The following PLEKHA2 variants were observed in gnomAD, a reference collection of about 807,000 sequenced individuals.
PLEKHA2 encodes the protein pleckstrin homology domain containing A2.
In PLEKHA2, 28 loss-of-function variants were observed where a neutral mutation model predicts 53.2. That is an observed-to-expected ratio of 0.53 (90% CI 0.39 to 0.72). The LOEUF (loss-of-function observed/expected upper bound fraction) is 0.72, where lower values mean the gene tolerates loss of function less well. PLEKHA2 is among the 30% of genes least tolerant of loss of function. The pLI, the probability that PLEKHA2 is intolerant of heterozygous loss-of-function variation, is 0.00. For missense variants in PLEKHA2, 426 were observed against 537.9 expected (o/e 0.79, Z 2.06); for synonymous variants, 193 against 196.4 (o/e 0.98, Z 0.14).
intron 1 of PLEKHA2, among the ~76,000 whole-genome samples, chr8:38,904,574 C>T (rs1024893673): frequency 5.9e-5 from 9 of 152,342 alleles, no homozygotes; most frequent in Non-Finnish European, 1.2e-4. Context: ...GTCTAGGTTT[C>T]TGTTAACTCT....
At position 38,960,273 on chromosome 8, in the gene PLEKHA2, T is replaced by C. The variant is rs187696083; in HGVS notation, c.837+2887T>C. Among the ~76,000 whole-genome samples, 618 of 152,300 alleles carry C rather than the reference T, an allele frequency of 4.1e-3. 3 individuals carry two copies. The highest frequency in any genetic ancestry group is 7.6e-3 in the Non-Finnish European group (520 of 68,028). On this transcript the variant is annotated intron_variant, in intron 10 of 11. Transcript: ENST00000617275. ...AACTCAAAAAACAGTGGAAAGAGAA[T>C]AGTATAGATTAAAAATCACTTAAAA...
At chr8:38,967,862 A>C (rs992070029) in intron 10 of PLEKHA2, among the ~76,000 whole-genome samples, 6 of 152,004 alleles carry the variant, frequency 3.9e-5, no homozygotes, top group African/African-American at 1.5e-4. Flanking sequence ...GGGTTTCACC[A>C]TGTTGCCCAG....
intron 10 of PLEKHA2, among the ~76,000 whole-genome samples, chr8:38,960,190 C>T (rs1835016524): frequency 6.6e-6 from 1 of 152,204 alleles, no homozygotes; most frequent in Non-Finnish European, 1.5e-5. Flanking sequence ...GATAAGAGAA[C>T]ACTAGCGTCA....
At chr8:38,912,675 G>T (rs1050596557) in intron 1 of PLEKHA2, among the ~76,000 whole-genome samples, 1 of 152,188 alleles carries the variant, frequency 6.6e-6, no homozygotes, top group Admixed American at 6.5e-5. Flanking sequence ...CTTAGCAACT[G>T]TTGAGACAAA....
intron 5 of PLEKHA2, among the ~76,000 whole-genome samples, chr8:38,946,573 A>G (rs975980500): frequency 6.6e-6 from 1 of 152,214 alleles, no homozygotes; most frequent in Admixed American, 6.5e-5. Context: ...GGAAAAGCAT[A>G]TGGGGAGGGA....
At chr8:38,964,083 GA>G (rs1356107517) in intron 10 of PLEKHA2, among the ~76,000 whole-genome samples, 2 of 152,172 alleles carry the variant, frequency 1.3e-5, no homozygotes, top group Non-Finnish European at 2.9e-5. Flanking sequence ...TCTCTGGCCA[GA>G]TGTAAGAAGA....
chr8:38,962,651 A>G (rs1481658145), intron 10 of PLEKHA2, among the ~76,000 whole-genome samples: 1 of 152,250 alleles, frequency 6.6e-6, no homozygotes, highest in African/African-American at 2.4e-5. Context: ...CCATTTCCCC[A>G]TTTCCCATTC....
intron 10 of PLEKHA2, among the ~76,000 whole-genome samples, chr8:38,959,933 G>A (rs1471314744): frequency 6.6e-6 from 1 of 152,184 alleles, no homozygotes; most frequent in Non-Finnish European, 1.5e-5. Context: ...GACATCCAAG[G>A]AGATGTGCTA....
rs767091430 is a variant in PLEKHA2, at chr8:38,950,801, T to C, written c.346-49T>C. On this transcript the variant is annotated intron_variant, in intron 5 of 11. Coordinates refer to ENST00000617275, the MANE Select transcript of PLEKHA2 (RefSeq NM_021623.2). ...CCCATTCTGTTTTGGGCTCCCCATGTTTCCTAAATGTTCTGTTCCCCATTG... is the reference window on the plus strand; with the variant it reads ...CCCATTCTGTTTTGGGCTCCCCATGCTTCCTAAATGTTCTGTTCCCCATTG... 2.5e-6 allele frequency: 4 copies of C among 1,579,894 alleles called. No individual in the cohort carries two copies. In the Admixed American group the frequency reaches 7.1e-5, roughly 28 times the overall value.
intron 1 of PLEKHA2, among the ~76,000 whole-genome samples, chr8:38,916,634 G>T (rs564398637): frequency 6.6e-5 from 10 of 152,220 alleles, no homozygotes; most frequent in Admixed American, 2.0e-4. Context: ...GTACTCCATT[G>T]TGTATATATG....
intron 1 of PLEKHA2, among the ~76,000 whole-genome samples, chr8:38,914,161 C>T (rs557952906): frequency 7.2e-5 from 11 of 152,362 alleles, no homozygotes; most frequent in African/African-American, 2.4e-4. Flanking sequence ...TGCTCTTTGT[C>T]CCCTATCCTT....
intron 8 of PLEKHA2, 26 bp downstream of exon 8, chr8:38,952,730 T>C: frequency 6.2e-7 from 1 of 1,600,950 alleles, no homozygotes; most frequent in South Asian, 1.1e-5. Context: ...GCTGCCCTTC[T>C]GAGAGGTCAT....
At chr8:38,915,103 C>T (rs903781694) in intron 1 of PLEKHA2, among the ~76,000 whole-genome samples, 3 of 152,038 alleles carry the variant, frequency 2.0e-5, no homozygotes, top group African/African-American at 7.3e-5. Context: ...CGCCACCGTG[C>T]CTGGCTAATT....
At chr8:38,905,768 T>G (rs1833862843) in intron 1 of PLEKHA2, among the ~76,000 whole-genome samples, 1 of 138,210 alleles carries the variant, frequency 7.2e-6, no homozygotes, top group Non-Finnish European at 1.5e-5. Flanking sequence ...CACTGCAACC[T>G]CCACCTCACA....
At chr8:38,964,519 A>G (rs1387034265) in intron 10 of PLEKHA2, among the ~76,000 whole-genome samples, 1 of 152,162 alleles carries the variant, frequency 6.6e-6, no homozygotes, top group African/African-American at 2.4e-5. Flanking sequence ...ACCACCCGTC[A>G]TCCCCCTCCC....
chr8:38,950,324 G>A (rs775494292), intron 5 of PLEKHA2, among the ~76,000 whole-genome samples: 25 of 152,024 alleles, frequency 1.6e-4, no homozygotes, highest in Non-Finnish European at 3.2e-4. Flanking sequence ...GTGAGGCCCC[G>A]GACCTGGCCC....
rs560956452 is a variant in PLEKHA2, at chr8:38,922,084, G to A, written c.141+4014G>A. Among the ~76,000 whole-genome samples the A allele has an allele frequency of 3.3e-4, 50 of 152,272 alleles. No individual in the cohort carries two copies. The highest frequency in any genetic ancestry group is 6.2e-4 in the Non-Finnish European group (42 of 68,006). On this transcript the variant is annotated intron_variant, in intron 2 of 11. Coordinates refer to ENST00000617275, the MANE Select transcript of PLEKHA2 (RefSeq NM_021623.2). This position sits in a 1 kb window ranked among gnomAD's most constrained non-coding sequence, Gnocchi z 4.0. ...AGGCTGACAGGGGAAGAATTTGCCC[G>A]TGGTTACATAATAAAAAAGTAGCAC...
At chr8:38,939,488 G>T (rs1244705927) in intron 3 of PLEKHA2, among the ~76,000 whole-genome samples, 3 of 152,320 alleles carry the variant, frequency 2.0e-5, no homozygotes, top group Middle Eastern at 6.8e-3. Flanking sequence ...ACTCACACGT[G>T]CACTCTCACA....
At chr8:38,935,884 C>A in intron 2 of PLEKHA2, 110 bp from the exon 3 acceptor site, 1 of 943,290 alleles carries the variant, frequency 1.1e-6, no homozygotes. Context: ...GGTTGAGTAA[C>A]TTGCTCAGTG....
Sources: allele counts gnomAD v4.1 joint callset (sites outside exome capture counted in the v4.1 genomes callset), GRCh38; gene constraint gnomAD v4.1.1; non-coding constraint Gnocchi (gnomAD v3.1); transcripts MANE v1.5; gene names NCBI Gene and HGNC (gene_info 2026-07-23, HGNC 2026-07-21).